BEGAIN: variants seen among roughly 807,000 people sequenced by gnomAD.
The protein encoded by BEGAIN is brain enriched guanylate kinase associated, also known as brain-enriched guanylate kinase-associated protein.
BEGAIN carries 19 observed loss-of-function variants against 35.8 expected under a neutral mutation model. The observed-to-expected ratio is 0.53, with a 90% CI of 0.37 to 0.78. The LOEUF is 0.78. BEGAIN is among the 30% of genes least tolerant of loss of function. The pLI is 0.00. For missense variants in BEGAIN, 795 were observed against 853.6 expected (o/e 0.93, Z 0.85); for synonymous variants, 462 against 388.6 (o/e 1.19, Z -2.22).
chr14:100,546,776 GC>G (rs2032546543), intron 2 of BEGAIN, 114 bp from the exon 3 acceptor site: 3 of 678,244 alleles, frequency 4.4e-6, no homozygotes, highest in African/African-American at 5.8e-5. Context: ...GCGCGCGCGC[GC>G]GCGCACACAC....
At chr14:100,584,998 C>T (rs2139772487) in intron 1 of BEGAIN, among the ~76,000 whole-genome samples, 1 of 152,256 alleles carries the variant, frequency 6.6e-6, no homozygotes, top group Middle Eastern at 3.4e-3. Flanking sequence ...GACACAGCCT[C>T]TCTAAGTCTT....
intron 2 of BEGAIN, among the ~76,000 whole-genome samples, chr14:100,562,217 G>A (rs1249330212): frequency 2.0e-5 from 3 of 152,102 alleles, no homozygotes; most frequent in Non-Finnish European, 2.9e-5. Context: ...AAATTCAACA[G>A]CCATCCTGAA....
At chr14:100,561,423 C>G (rs550149609) in intron 2 of BEGAIN, among the ~76,000 whole-genome samples, 51 of 152,316 alleles carry the variant, frequency 3.3e-4, no homozygotes, top group South Asian at 2.5e-3. Flanking sequence ...CCCCCATTTA[C>G]AGATGTGGCA....
Position 100,567,777 on chromosome 14 carries a change from C to T in BEGAIN, c.71+134G>A. 1 of 872,130 alleles carries T rather than the reference C, an allele frequency of 1.1e-6. No individual in the cohort carries two copies. The highest frequency in any genetic ancestry group is 1.6e-6 in the Non-Finnish European group (1 of 643,162). The allele number at this position is 872,130 out of a possible 1,614,324, so 54.0% of individuals were successfully genotyped here. A position where few individuals can be genotyped will look rare whatever the true frequency, so the allele number is the denominator to read the frequency against. ...ACACGCACCACACACACGCACCTGG[C>T]CCGCAGCCCCGCCGAGGCCGCCCGC... is the stretch of plus-strand genomic sequence containing the variant. On this transcript the variant is annotated intron_variant, in intron 2 of 6. Transcript: ENST00000554140. This position sits in a 1 kb window ranked among gnomAD's most constrained non-coding sequence, Gnocchi z 5.1.
chr14:100,572,408 A>T (rs1445199993), intron 1 of BEGAIN, among the ~76,000 whole-genome samples: 1 of 152,140 alleles, frequency 6.6e-6, no homozygotes, highest in African/African-American at 2.4e-5. Context: ...CCAAGGACAG[A>T]GGCCTGGGTT....
Position 100,587,407 on chromosome 14 carries a change from C to T in BEGAIN, c.-117G>A, listed in dbSNP as rs2139778718. On this transcript the variant is annotated 5_prime_UTR_variant, in exon 1 of 7. Coordinates refer to ENST00000554140, the MANE Select transcript of BEGAIN (RefSeq NM_001385089.1). ...GGGCTCCCCCACCCCGCCCGGCTTC[C>T]CGCAGGGAGCGCCCGCCCCCCGCCC... 1 of 145,822 alleles carries T rather than the reference C, an allele frequency of 6.9e-6. No individual in the cohort carries two copies. The highest frequency in any genetic ancestry group is 1.9e-4 in the South Asian group (1 of 5,208). The allele number at this position is 145,822 out of a possible 1,614,324, so 9.0% of individuals were successfully genotyped here.
At chr14:100,553,838 C>T (rs1207346930) in intron 2 of BEGAIN, among the ~76,000 whole-genome samples, 1 of 152,224 alleles carries the variant, frequency 6.6e-6, no homozygotes, top group Non-Finnish European at 1.5e-5. Flanking sequence ...CCAGCAAGCC[C>T]ACTCCACAAG....
chr14:100,562,166 C>T (rs986312568), intron 2 of BEGAIN, among the ~76,000 whole-genome samples: 1 of 151,954 alleles, frequency 6.6e-6, no homozygotes, highest in Non-Finnish European at 1.5e-5. Flanking sequence ...TTGGAGGAGA[C>T]AAGAGATGGA....
In BEGAIN at chr14:100,538,193, C is replaced by T. The variant is rs1336475003; in HGVS notation, c.1615G>A (p.Asp539Asn). 6.5e-7 allele frequency: 1 copy of T among 1,539,476 alleles called. No individual in the cohort carries two copies. Among genetic ancestry groups the T allele is most frequent in the Non-Finnish European group, 8.7e-7 (1 of 1,147,468 alleles). ...AGCTGCACCCCGAGCCTGTCCCCGT[C>T]CCCCCCCTCGCTGGGTGCATAGCCG... Reference protein sequence around the residue: ...LPGYAPSEGGDGDRLGVQLCG... With the variant: ...LPGYAPSEGGNGDRLGVQLCG... The change falls in exon 7 of 7, where the codon GAC (aspartate) becomes AAC (asparagine). Residue 539 changes from aspartate to asparagine, a missense_variant. This residue lies in a region of BEGAIN where 664 missense variants were observed against 647.7 expected (regional missense o/e 1.03). Coordinates refer to ENST00000554140, the MANE Select transcript of BEGAIN (RefSeq NM_001385089.1).
intron 1 of BEGAIN, among the ~76,000 whole-genome samples, chr14:100,583,809 G>A (rs2035377090): frequency 6.8e-6 from 1 of 146,092 alleles, no homozygotes; most frequent in African/African-American, 2.5e-5. Flanking sequence ...CAATTCTCCT[G>A]TCTCAGCCTC....
At chr14:100,578,229 G>A (rs1328466721) in intron 1 of BEGAIN, among the ~76,000 whole-genome samples, 1 of 152,254 alleles carries the variant, frequency 6.6e-6, no homozygotes, top group Non-Finnish European at 1.5e-5. Flanking sequence ...CTGGGGAGGA[G>A]CCCTCCCTGA....
chr14:100,558,293 C>G lies in BEGAIN; in HGVS notation c.71+9618G>C, dbSNP rs1263058761. Among the ~76,000 whole-genome samples the G allele has an allele frequency of 6.6e-6, 1 of 152,170 alleles. No homozygotes were observed. The highest frequency in any genetic ancestry group is 1.5e-5 in the Non-Finnish European group (1 of 68,026). ...TCCCCTCCATGTCACCGAACTGGTC[C>G]TGTCTCAGCCTTCACCTGACCTGCG... On this transcript the variant is annotated intron_variant, in intron 2 of 6. Transcript: ENST00000554140. The surrounding 1 kb of genome is among the most constrained non-coding windows in gnomAD (Gnocchi z 4.6).
chr14:100,564,030 G>A (rs993414726), intron 2 of BEGAIN, among the ~76,000 whole-genome samples: 3 of 152,016 alleles, frequency 2.0e-5, no homozygotes, highest in African/African-American at 7.2e-5. Flanking sequence ...AGGAACCACT[G>A]AGCACAAGGT....
At position 100,563,383 on chromosome 14, in the gene BEGAIN, A is replaced by T. The variant is rs893171948; in HGVS notation, c.71+4528T>A. ...AAACGCTTTAATCAGAAAGTGAAAA[A>T]ACCTGACACATTCAACAAAATTAAA... On this transcript the variant is annotated intron_variant, in intron 2 of 6. Coordinates refer to ENST00000554140, the MANE Select transcript of BEGAIN (RefSeq NM_001385089.1). The surrounding 1 kb of genome is among the most constrained non-coding windows in gnomAD (Gnocchi z 4.2). Among the ~76,000 whole-genome samples the T allele has an allele frequency of 2.0e-5, 3 of 152,218 alleles. No individual in the cohort carries two copies. Among genetic ancestry groups the T allele is most frequent in the Admixed American group, 6.5e-5 (1 of 15,286 alleles).
intron 2 of BEGAIN, chr14:100,548,415 A>C (rs1433463028): frequency 6.6e-6 from 1 of 152,200 alleles, no homozygotes. Flanking sequence ...TGTTCCCTGC[A>C]GGGGCTCCTG....
At chr14:100,576,784 C>T (rs761482775) in intron 1 of BEGAIN, among the ~76,000 whole-genome samples, 3 of 152,248 alleles carry the variant, frequency 2.0e-5, no homozygotes, top group African/African-American at 7.2e-5. Context: ...AATCTCACCA[C>T]ATCTTTTGCC....
chr14:100,562,135 C>T (rs1438167411), intron 2 of BEGAIN, among the ~76,000 whole-genome samples: 1 of 152,026 alleles, frequency 6.6e-6, no homozygotes, highest in Admixed American at 6.6e-5. Flanking sequence ...AGGGGTGTGG[C>T]CTGCTGGGGT....
intron 2 of BEGAIN, among the ~76,000 whole-genome samples, chr14:100,550,928 C>T (rs930716560): frequency 3.3e-5 from 5 of 152,184 alleles, no homozygotes; most frequent in Non-Finnish European, 5.9e-5. Context: ...TCACAGGACA[C>T]AGGTGGGGTC....
chr14:100,537,512 T>C lies in BEGAIN; in HGVS notation c.*457A>G, dbSNP rs534443147. 424 of 158,436 alleles carry C rather than the reference T, an allele frequency of 2.7e-3. 2 individuals carry two copies. Among genetic ancestry groups the C allele is most frequent in the Non-Finnish European group, 3.8e-3 (276 of 72,474 alleles). 9.8% of individuals were successfully genotyped at this position (158,436 alleles called of 1,614,324 possible). ...TGGCTTGCGGGGGTGGTCTCCCCAC[T>C]TGCAGAGTCTGGTCTCCACAGGACA... On this transcript the variant is annotated 3_prime_UTR_variant, in exon 7 of 7. Transcript: ENST00000554140.
Sources: gnomAD v4.1 joint callset for allele counts (sites outside exome capture counted in the v4.1 genomes callset) on GRCh38, gnomAD v4.1.1 for gene constraint, gnomAD v4.1.1 regional missense constraint, Gnocchi (gnomAD v3.1) non-coding constraint, MANE v1.5 for transcripts, NCBI Gene and HGNC (gene_info 2026-07-23, HGNC 2026-07-21) for gene names.